Variants in ANKS1B observed in about 807,000 individuals in gnomAD.
ANKS1B encodes ankyrin repeat and sterile alpha motif domain-containing protein 1B.
In ANKS1B, 36 loss-of-function variants were observed where a neutral mutation model predicts 148.3. The ratio of observed to expected loss-of-function variants is 0.24; its 90% confidence interval spans 0.19 to 0.32. ANKS1B has a LOEUF of 0.32. Among genes scored for constraint, ANKS1B ranks in the 10% least tolerant of loss-of-function variants. The pLI, the probability that ANKS1B is intolerant of heterozygous loss-of-function variation, is 1.00. For synonymous variants in ANKS1B, 542 were observed against 560.8 expected, an observed-to-expected ratio of 0.97 and a Z score of 0.47; for missense variants, 1,157 against 1,542.6, an observed-to-expected ratio of 0.75 and a Z score of 4.19.
intron 1 of ANKS1B, among the ~76,000 whole-genome samples, chr12:99,932,950 G>T (rs551764748): frequency 1.3e-5 from 2 of 152,150 alleles, no homozygotes; most frequent in Non-Finnish European, 2.9e-5. Flanking sequence ...GATGGCAAGA[G>T]ATAGGGGTCC....
chr12:98,857,334 G>A (rs983581696), intron 17 of ANKS1B, among the ~76,000 whole-genome samples: 6 of 152,212 alleles, frequency 3.9e-5, no homozygotes, highest in Admixed American at 6.5e-5. Flanking sequence ...TTGGAGAATT[G>A]CAGCTATTTG....
intron 1 of ANKS1B, among the ~76,000 whole-genome samples, chr12:99,982,077 T>G (rs574121365): frequency 6.6e-6 from 1 of 152,270 alleles, no homozygotes; most frequent in African/African-American, 2.4e-5. Flanking sequence ...ATAAGATGGA[T>G]AAAAGCAAGT....
At chr12:99,315,344 T>TA (rs957873770) in intron 12 of ANKS1B, among the ~76,000 whole-genome samples, 23 of 151,542 alleles carry the variant, frequency 1.5e-4, no homozygotes, top group African/African-American at 5.6e-4. Flanking sequence ...ATGCAAAAGT[T>TA]AAAGGAACTT....
intron 25 of ANKS1B, among the ~76,000 whole-genome samples, chr12:98,768,726 T>C (rs974119959): frequency 1.7e-5 from 2 of 120,608 alleles, no homozygotes; most frequent in Non-Finnish European, 1.7e-5. Flanking sequence ...AGAGCGAGAC[T>C]CCATCTCAAA....
chr12:99,090,595 T>C (rs11109722), intron 15 of ANKS1B, among the ~76,000 whole-genome samples: 2,179 of 152,220 alleles, frequency 0.014, 50 homozygotes, highest in East Asian at 0.052. Flanking sequence ...AACTTACACA[T>C]AGAAAAACAT....
At chr12:99,056,976 T>C (rs2040417637) in intron 16 of ANKS1B, among the ~76,000 whole-genome samples, 1 of 152,166 alleles carries the variant, frequency 6.6e-6, no homozygotes. Context: ...CCATTTCAGT[T>C]AAGGGCAACT....
chr12:98,793,071 A>G (rs1160312517), intron 22 of ANKS1B, among the ~76,000 whole-genome samples: 1 of 152,202 alleles, frequency 6.6e-6, no homozygotes, highest in Non-Finnish European at 1.5e-5. Context: ...ACTAATTTAT[A>G]TTCCCACCAA....
intron 15 of ANKS1B, among the ~76,000 whole-genome samples, chr12:99,143,481 G>A (rs2071742351): frequency 6.6e-6 from 1 of 152,036 alleles, no homozygotes; most frequent in Non-Finnish European, 1.5e-5. Flanking sequence ...GACCTGTAAG[G>A]TGTTGTTTCT....
intron 9 of ANKS1B, among the ~76,000 whole-genome samples, chr12:99,513,657 C>T (rs1186322412): frequency 6.6e-6 from 1 of 151,996 alleles, no homozygotes; most frequent in Non-Finnish European, 1.5e-5. Flanking sequence ...TTCATTCTTT[C>T]TCTGTCATTC....
At chr12:99,809,366 C>A (rs2068046512) in intron 3 of ANKS1B, among the ~76,000 whole-genome samples, 1 of 147,608 alleles carries the variant, frequency 6.8e-6, no homozygotes, top group Non-Finnish European at 1.5e-5. Flanking sequence ...GGGTTTTGCC[C>A]TAATGTTAAA....
chr12:99,937,306 C>T (rs2153813272), intron 1 of ANKS1B, among the ~76,000 whole-genome samples: 1 of 152,228 alleles, frequency 6.6e-6, no homozygotes, highest in South Asian at 2.1e-4. Context: ...ATCTTAACTA[C>T]CCAAGAAAGA....
chr12:99,168,558 A>G (rs887530642), intron 14 of ANKS1B, among the ~76,000 whole-genome samples: 1 of 152,096 alleles, frequency 6.6e-6, no homozygotes, highest in African/African-American at 2.4e-5. Flanking sequence ...TAAAGTAGAA[A>G]AAGAAAATAC....
intron 8 of ANKS1B, among the ~76,000 whole-genome samples, chr12:99,701,089 A>G (rs1054631594): frequency 6.6e-5 from 10 of 152,156 alleles, no homozygotes; most frequent in African/African-American, 2.2e-4. Flanking sequence ...CCACACTTCA[A>G]TAATTGTTTC....
intron 17 of ANKS1B, among the ~76,000 whole-genome samples, chr12:98,950,274 A>G (rs1349768322): frequency 6.6e-6 from 1 of 152,208 alleles, no homozygotes; most frequent in Non-Finnish European, 1.5e-5. Context: ...AGGTGGGCAG[A>G]TCACTTGAGG....
Position 99,084,581 on chromosome 12 carries a change from G to A in ANKS1B, c.2625+344C>T, listed in dbSNP as rs1274262679. Among the ~76,000 whole-genome samples the A allele has an allele frequency of 2.0e-5, 3 of 152,130 alleles. No individual in the cohort carries two copies. In the East Asian group the frequency reaches 5.8e-4, roughly 29 times the overall value. On this transcript the variant is annotated intron_variant, in intron 16 of 26. Coordinates refer to ENST00000683438, the MANE Select transcript of ANKS1B (RefSeq NM_001352186.2). ...ACACACACAAAAATTAGCCAGGCATGGTGGTGTGTACCCATAACCCCAGCT... is the reference window on the plus strand; with the variant it reads ...ACACACACAAAAATTAGCCAGGCATAGTGGTGTGTACCCATAACCCCAGCT...
intron 1 of ANKS1B, among the ~76,000 whole-genome samples, chr12:99,946,942 T>G (rs1265058204): frequency 6.6e-6 from 1 of 152,094 alleles, no homozygotes; most frequent in Non-Finnish European, 1.5e-5. Context: ...AATGATTATG[T>G]TTTTAAGACA....
At chr12:99,321,791 G>T (rs897513904) in intron 12 of ANKS1B, among the ~76,000 whole-genome samples, 2 of 152,172 alleles carry the variant, frequency 1.3e-5, no homozygotes, top group African/African-American at 2.4e-5. Flanking sequence ...GCTGTAGACT[G>T]GAGCTCTTCC....
chr12:99,174,005 C>T (rs1024238604), intron 14 of ANKS1B, among the ~76,000 whole-genome samples: 3 of 152,108 alleles, frequency 2.0e-5, no homozygotes, highest in African/African-American at 7.2e-5. Context: ...AATAGCATAC[C>T]TCAAAATTGG....
Position 99,369,005 on chromosome 12 carries a change from T to C in ANKS1B, c.1756+30626A>G, listed in dbSNP as rs12578350. On this transcript the variant is annotated intron_variant, in intron 12 of 26. Coordinates refer to ENST00000683438, the MANE Select transcript of ANKS1B (RefSeq NM_001352186.2). ...GGATCATCAAAGAATGATAAACCCT[T>C]ACGTGAAAGTTCACTGGGGAATACC... Among the ~76,000 whole-genome samples, 594 of 152,274 alleles carry C rather than the reference T, an allele frequency of 3.9e-3. 39 individuals are homozygous for C. In the East Asian group the frequency reaches 0.091, roughly 23 times the overall value.
Sources: gnomAD v4.1 joint callset for allele counts (sites outside exome capture counted in the v4.1 genomes callset) on GRCh38, gnomAD v4.1.1 for gene constraint, MANE v1.5 for transcripts, NCBI Gene and HGNC (gene_info 2026-07-23, HGNC 2026-07-21) for gene names.